Variants in LINGO2 observed in about 807,000 individuals in gnomAD.
LINGO2 encodes the protein leucine rich repeat and Ig domain containing 2, also known as leucine-rich repeat and immunoglobulin-like domain-containing nogo receptor-interacting protein 2.
A neutral mutation model predicts 30.6 loss-of-function variants in LINGO2; 14 were observed. That is an observed-to-expected ratio of 0.46 (90% CI 0.30 to 0.72). LINGO2 has a LOEUF of 0.72. Among genes scored for constraint, LINGO2 ranks in the 30% least tolerant of loss-of-function variants. LINGO2 has a pLI of 0.07. For missense variants in LINGO2, 729 were observed against 751.7 expected, an observed-to-expected ratio of 0.97 and a Z score of 0.35; for synonymous variants, 317 against 288.5, an observed-to-expected ratio of 1.10 and a Z score of -1.00.
At chr9:28,648,112 C>G (rs1322114234) in intron 1 of LINGO2, among the ~76,000 whole-genome samples, 1 of 152,016 alleles carries the variant, frequency 6.6e-6, no homozygotes, top group Non-Finnish European at 1.5e-5. Context: ...CAAAATTCCA[C>G]TGTAGAATGA....
chr9:28,646,791 T>C lies in LINGO2; in HGVS notation c.-365+23409A>G, dbSNP rs964265664. Among the ~76,000 whole-genome samples, 3 of 152,252 alleles carry C rather than the reference T, an allele frequency of 2.0e-5. No homozygotes were observed. The East Asian group carries it at 5.8e-4, about 29-fold the overall frequency. ...CTCATGAACAATGTAGTTTGGTACATAGCTTGGTAGCAGGATAATATAGTT... is the reference window on the plus strand; with the variant it reads ...CTCATGAACAATGTAGTTTGGTACACAGCTTGGTAGCAGGATAATATAGTT... On this transcript the variant is annotated intron_variant, in intron 1 of 5. Transcript: ENST00000379992.
intron 4 of LINGO2, among the ~76,000 whole-genome samples, chr9:28,177,693 G>T (rs1429670626): frequency 6.6e-6 from 1 of 152,050 alleles, no homozygotes; most frequent in Non-Finnish European, 1.5e-5. Context: ...TAAATAAAAA[G>T]AAAGAAAGGA....
the LINGO2 span, among the ~76,000 whole-genome samples, chr9:28,960,228 T>A: frequency 6.6e-6 from 1 of 152,034 alleles, no homozygotes; most frequent in African/African-American, 2.4e-5. Context: ...AGATAGCAAA[T>A]AATTAGAACA....
intron 2 of LINGO2, among the ~76,000 whole-genome samples, chr9:28,427,747 C>T (rs1015614461): frequency 3.3e-5 from 5 of 152,054 alleles, no homozygotes; most frequent in Non-Finnish European, 7.4e-5. Context: ...AAAGGTATTC[C>T]TTTGTGTTAT....
chr9:28,237,956 A>G (rs1282558907), intron 4 of LINGO2, among the ~76,000 whole-genome samples: 1 of 152,204 alleles, frequency 6.6e-6, no homozygotes, highest in African/African-American at 2.4e-5. Context: ...TTCCAATGGA[A>G]ACCTAAAAAG....
chr9:28,584,005 C>G (rs1422114501), intron 1 of LINGO2, among the ~76,000 whole-genome samples: 1 of 152,000 alleles, frequency 6.6e-6, no homozygotes, highest in East Asian at 1.9e-4. Flanking sequence ...CTAGTACACC[C>G]ATGTGCCTTC....
At chr9:28,510,021 GAGA>G (rs1405753198) in intron 1 of LINGO2, among the ~76,000 whole-genome samples, 3 of 152,240 alleles carry the variant, frequency 2.0e-5, no homozygotes, top group Admixed American at 6.5e-5. Context: ...CTGTGGCAGA[GAGA>G]AGAACCTTGC....
At chr9:28,174,460 C>T (rs1828687050) in intron 4 of LINGO2, among the ~76,000 whole-genome samples, 1 of 152,098 alleles carries the variant, frequency 6.6e-6, no homozygotes, top group African/African-American at 2.4e-5. Context: ...GTCTCTCCCT[C>T]TCTCTCCCTC....
chr9:28,433,947 CTCTATATATA>C (rs1564196222), intron 2 of LINGO2, among the ~76,000 whole-genome samples: 1 of 61,110 alleles, frequency 1.6e-5, no homozygotes, highest in Admixed American at 1.9e-4. Context: ...CTCTCTCTCT[CTCTATATATA>C]TATATATATA....
the LINGO2 span, among the ~76,000 whole-genome samples, chr9:28,884,974 AT>A: frequency 0.018 from 230 of 12,866 alleles, 6 homozygotes; most frequent in African/African-American, 0.058. Flanking sequence ...TATATATAAT[AT>A]ATATAATATA....
the LINGO2 span, among the ~76,000 whole-genome samples, chr9:29,110,250 T>C: frequency 6.6e-6 from 1 of 152,204 alleles, no homozygotes; most frequent in African/African-American, 2.4e-5. Context: ...CAAACAAATG[T>C]CTTGATAGTT....
chr9:28,465,739 A>T (rs1825275617), intron 2 of LINGO2, among the ~76,000 whole-genome samples: 1 of 152,334 alleles, frequency 6.6e-6, no homozygotes, highest in Middle Eastern at 3.4e-3. Context: ...ACCAGAATAT[A>T]TAAGGAGCTC....
intron 4 of LINGO2, among the ~76,000 whole-genome samples, chr9:28,169,224 G>T (rs2133644013): frequency 6.6e-6 from 1 of 152,302 alleles, no homozygotes; most frequent in East Asian, 1.9e-4. Flanking sequence ...GCAGCAGCAT[G>T]CAGAACAAAA....
At chr9:28,754,597 A>G in the LINGO2 span, among the ~76,000 whole-genome samples, 2 of 151,838 alleles carry the variant, frequency 1.3e-5, no homozygotes, top group Admixed American at 6.6e-5. Flanking sequence ...CACAGAGACT[A>G]GCATTCTGAA....
chr9:28,241,259 C>T (rs7027994), intron 4 of LINGO2, among the ~76,000 whole-genome samples: 27,589 of 122,442 alleles, frequency 0.23, 3,233 homozygotes, highest in Non-Finnish European at 0.26. Context: ...CAAAGCAAGA[C>T]CCTGTCTCAA....
chr9:28,510,701 T>C (rs56038386), intron 1 of LINGO2, among the ~76,000 whole-genome samples: 2 of 115,492 alleles, frequency 1.7e-5, no homozygotes, highest in Non-Finnish European at 4.1e-5. Flanking sequence ...TGTGTGTGTG[T>C]GTGTGTGTAC....
At chr9:29,031,272 G>T in the LINGO2 span, among the ~76,000 whole-genome samples, 136 of 146,366 alleles carry the variant, frequency 9.3e-4, no homozygotes, top group African/African-American at 2.4e-3. Context: ...TGGTGGTGGT[G>T]ATTTATTTAT....
intron 3 of LINGO2, among the ~76,000 whole-genome samples, chr9:28,349,209 G>A (rs559837119): frequency 0.015 from 2,311 of 152,030 alleles, 62 homozygotes; most frequent in African/African-American, 0.053. Context: ...CTGAGCTACG[G>A]GAGGACATTC....
intron 1 of LINGO2, among the ~76,000 whole-genome samples, chr9:28,636,699 T>A (rs2135911003): frequency 6.6e-6 from 1 of 152,304 alleles, no homozygotes; most frequent in South Asian, 2.1e-4. Context: ...TTGTTTGACT[T>A]CTTTGTAGAT....
Sources: allele counts gnomAD v4.1 joint callset (sites outside exome capture counted in the v4.1 genomes callset), GRCh38; gene constraint gnomAD v4.1.1; transcripts MANE v1.5; gene names NCBI Gene and HGNC (gene_info 2026-07-23, HGNC 2026-07-21).